HERC2: variants seen among roughly 807,000 people sequenced by gnomAD.
HERC2 encodes the protein E3 ubiquitin-protein ligase HERC2.
Under a neutral mutation model 537.7 loss-of-function variants are expected in HERC2, and 102 were observed. That is an observed-to-expected ratio of 0.19 (90% CI 0.16 to 0.22). HERC2 has a LOEUF of 0.22. Ranked by LOEUF, HERC2 falls within the 10% of genes least tolerant of loss-of-function variation. HERC2 has a pLI of 1.00. For missense variants in HERC2, 4,236 were observed against 6,198.2 expected, an observed-to-expected ratio of 0.68 and a Z score of 10.63; for synonymous variants, 2,224 against 2,466.2, an observed-to-expected ratio of 0.90 and a Z score of 2.91.
At chr15:28,187,145 A>G (rs534384525) in intron 55 of HERC2, among the ~76,000 whole-genome samples, 1 of 152,328 alleles carries the variant, frequency 6.6e-6, no homozygotes, top group East Asian at 1.9e-4. Context: ...AACATAAAAC[A>G]TATTTGAATA....
chr15:28,177,629 T>G lies in HERC2; in HGVS notation c.9164-120A>C. 1.2e-6 allele frequency: 1 copy of G among 804,186 alleles called. No homozygotes were observed. Among genetic ancestry groups the G allele is most frequent in the Non-Finnish European group, 2.1e-6 (1 of 474,594 alleles). The allele number at this position is 804,186 out of a possible 1,614,324, so 49.8% of individuals were successfully genotyped here. On this transcript the variant is annotated intron_variant, in intron 59 of 92. Coordinates refer to ENST00000261609, the MANE Select transcript of HERC2 (RefSeq NM_004667.6). This position sits in a 1 kb window ranked among gnomAD's most constrained non-coding sequence, Gnocchi z 5.0. ...ACTCAATGAGCGTGAGCTGAATAAA[T>G]GAGTAACTCAACAGGATCAACAGCG...
At chr15:28,217,765 A>G (rs1343492036) in intron 38 of HERC2, among the ~76,000 whole-genome samples, 1 of 152,160 alleles carries the variant, frequency 6.6e-6, no homozygotes, top group African/African-American at 2.4e-5. Flanking sequence ...GAGACAGAAA[A>G]GGACATGCAG....
intron 16 of HERC2, 28 bp from the exon 17 acceptor site, chr15:28,257,289 G>C (rs781364851): frequency 3.8e-6 from 6 of 1,598,450 alleles, no homozygotes; most frequent in East Asian, 4.5e-5. Context: ...AATCTAAAAT[G>C]AATCTCCAAA....
intron 4 of HERC2, among the ~76,000 whole-genome samples, chr15:28,289,425 C>T (rs1299587711): frequency 6.6e-6 from 1 of 152,066 alleles, no homozygotes; most frequent in Non-Finnish European, 1.5e-5. Context: ...ATACATGAAG[C>T]AAAACCTGCA....
intron 15 of HERC2, among the ~76,000 whole-genome samples, chr15:28,262,260 G>A (rs1050343466): frequency 3.3e-5 from 5 of 152,022 alleles, no homozygotes; most frequent in African/African-American, 1.2e-4. Flanking sequence ...TCATAGTTTT[G>A]ATGGCCCCCA....
Position 28,265,874 on chromosome 15 carries a change from T to A in HERC2, c.1699A>T (p.Thr567Ser), listed in dbSNP as rs2075552640. ...CAGGTGTACAGCTCCCCCTCGGCAGTGATGGCCGCACTGTAAGTGCTCCCG... is the reference window on the plus strand; with the variant it reads ...CAGGTGTACAGCTCCCCCTCGGCAGAGATGGCCGCACTGTAAGTGCTCCCG... ...ACGSTYSAAI[T>S]AEGELYTWGR... is the part of the protein sequence containing the mutation. The change falls in exon 13 of 93, where the codon ACT becomes TCT. Residue 567 changes from threonine (T) to serine (S), a missense_variant. This residue lies in a region of HERC2 where 754 missense variants were observed against 1,085.0 expected (regional missense o/e 0.69). Transcript: ENST00000261609. This position sits in a 1 kb window ranked among gnomAD's most constrained non-coding sequence, Gnocchi z 4.0. 6 of 1,614,174 alleles carry A rather than the reference T, an allele frequency of 3.7e-6. No individual in the cohort carries two copies. Among genetic ancestry groups the A allele is most frequent in the Non-Finnish European group, 5.1e-6 (6 of 1,180,036 alleles).
At chr15:28,126,684 G>A (rs1889525840) in intron 83 of HERC2, among the ~76,000 whole-genome samples, 1 of 152,106 alleles carries the variant, frequency 6.6e-6, no homozygotes, top group African/African-American at 2.4e-5. Flanking sequence ...GCATAAGAAT[G>A]ACACAATGGA....
intron 2 of HERC2, among the ~76,000 whole-genome samples, chr15:28,301,731 A>ATGTG (rs1202140643): frequency 0.027 from 574 of 21,490 alleles, 29 homozygotes; most frequent in Middle Eastern, 0.077. Flanking sequence ...AGTTGTATGT[A>ATGTG]TGTGTATATA....
chr15:28,272,534 C>T, intron 8 of HERC2, 148 bp from the exon 9 acceptor site: 1 of 758,050 alleles, frequency 1.3e-6, no homozygotes, highest in African/African-American at 1.8e-5. Context: ...GTAATTAAAT[C>T]ACTGAATTGA....
chr15:28,183,470 C>A (rs1204729094), intron 56 of HERC2, among the ~76,000 whole-genome samples: 2 of 152,156 alleles, frequency 1.3e-5, no homozygotes, highest in African/African-American at 4.8e-5. Flanking sequence ...TGCTCAGCCT[C>A]CTAAAGTGCT....
At chr15:28,185,628 A>T (rs1167699068) in intron 56 of HERC2, among the ~76,000 whole-genome samples, 1 of 152,218 alleles carries the variant, frequency 6.6e-6, no homozygotes, top group Non-Finnish European at 1.5e-5. Context: ...ATGCACAAGC[A>T]TGCAAAAACT....
rs113047450 is a variant in HERC2, at chr15:28,124,333, C to T, written c.12991-99G>A. 795 of 742,470 alleles carry T rather than the reference C, an allele frequency of 1.1e-3. 5 individuals carry two copies. The African/African-American group carries it at 0.013, about 12-fold the overall frequency. The allele number at this position is 742,470 out of a possible 1,614,324, so 46.0% of individuals were successfully genotyped here. A position where few individuals can be genotyped will look rare whatever the true frequency, so the allele number is the denominator to read the frequency against. On this transcript the variant is annotated intron_variant, in intron 84 of 92. Transcript: ENST00000261609. ...ATTCTGAAAACAATTGTTTCAAATA[C>T]AGAGAAGCACTATGGTGTCTGAGTT... is the stretch of plus-strand genomic sequence containing the variant.
rs138491318 is a variant in HERC2 at position 28,286,333 on chromosome 15, A to G, written c.323-6046T>C. ...ACCTAAAGACAGTACAAAGTACAGA[A>G]CAATATATATACAGAGACACAAAAA... On this transcript the variant is annotated intron_variant, in intron 4 of 92. Transcript: ENST00000261609. 2.0e-5 allele frequency among the ~76,000 whole-genome samples: 3 copies of G among 152,272 alleles called. No individual in the cohort carries two copies. The East Asian group carries it at 5.8e-4, about 29-fold the overall frequency.
chr15:28,308,431 G>A (rs899938622), intron 2 of HERC2, among the ~76,000 whole-genome samples: 24 of 152,022 alleles, frequency 1.6e-4, no homozygotes, highest in Admixed American at 9.2e-4. Context: ...TGAATTTATC[G>A]GCTCTAATCA....
Position 28,238,234 on chromosome 15 carries a change from A to T in HERC2, c.3749-17T>A. 6.9e-7 allele frequency: 1 copy of T among 1,453,634 alleles called. No individual in the cohort carries two copies. The highest frequency in any genetic ancestry group is 9.7e-7 in the Non-Finnish European group (1 of 1,035,234). 90.0% of individuals were successfully genotyped at this position (1,453,634 alleles called of 1,614,324 possible). On this transcript the variant is annotated splice_polypyrimidine_tract_variant and intron_variant, in intron 24 of 92. Coordinates refer to ENST00000261609, the MANE Select transcript of HERC2 (RefSeq NM_004667.6). ...CAAACTGAGCTGAAACAAAAAGGGAAAAAGCAACATGAGTTCAATTCAGCT... is the reference window on the plus strand; with the variant it reads ...CAAACTGAGCTGAAACAAAAAGGGATAAAGCAACATGAGTTCAATTCAGCT...
intron 5 of HERC2, among the ~76,000 whole-genome samples, 189 bp from the exon 6 acceptor site, chr15:28,275,194 G>A (rs1453920630): frequency 1.3e-5 from 2 of 152,218 alleles, no homozygotes; most frequent in African/African-American, 4.8e-5. Context: ...TAAAGGAAAA[G>A]TTTTCTCTTT....
chr15:28,254,069 A>G (rs2075174372), intron 20 of HERC2, among the ~76,000 whole-genome samples: 1 of 152,178 alleles, frequency 6.6e-6, no homozygotes, highest in Non-Finnish European at 1.5e-5. Flanking sequence ...GGATCACCTG[A>G]GGTCAGGAGT....
At chr15:28,261,220 T>G (rs1012681739) in intron 15 of HERC2, among the ~76,000 whole-genome samples, 1 of 151,056 alleles carries the variant, frequency 6.6e-6, no homozygotes, top group South Asian at 2.1e-4. Context: ...AAAGGATCTG[T>G]TTTTTTTTCT....
At chr15:28,161,842 T>G (rs946979180) in intron 69 of HERC2, among the ~76,000 whole-genome samples, 1 of 152,152 alleles carries the variant, frequency 6.6e-6, no homozygotes, top group African/African-American at 2.4e-5. Flanking sequence ...TAGACCCAAA[T>G]GCATACAGGA....
Sources: gnomAD v4.1 joint callset for allele counts (sites outside exome capture counted in the v4.1 genomes callset) on GRCh38, gnomAD v4.1.1 for gene constraint, gnomAD v4.1.1 regional missense constraint, Gnocchi (gnomAD v3.1) non-coding constraint, MANE v1.5 for transcripts, NCBI Gene and HGNC (gene_info 2026-07-23, HGNC 2026-07-21) for gene names.